The following DCDC2 variants were observed in gnomAD, a reference collection of about 807,000 sequenced individuals.
DCDC2 encodes the protein doublecortin domain-containing protein 2.
In DCDC2, 40 loss-of-function variants were observed where a neutral mutation model predicts 50.2. That is an observed-to-expected ratio of 0.80 (90% confidence interval 0.62 to 1.04). DCDC2 has a LOEUF of 1.04. Among genes scored for constraint, DCDC2 ranks in the 50% least tolerant of loss-of-function variants. The pLI is 0.00. For missense variants in DCDC2, 570 were observed against 581.9 expected (o/e 0.98, Z 0.21); for synonymous variants, 234 against 210.6 (o/e 1.11, Z -0.96).
At chr6:24,182,414 T>A (rs1226196958) in intron 8 of DCDC2, among the ~76,000 whole-genome samples, 2 of 152,042 alleles carry the variant, frequency 1.3e-5, no homozygotes, top group Non-Finnish European at 2.9e-5. Context: ...ATTTATCTGA[T>A]AAAGGCTTGA....
intron 7 of DCDC2, among the ~76,000 whole-genome samples, chr6:24,276,813 G>A (rs1039770103): frequency 6.6e-6 from 1 of 151,104 alleles, no homozygotes; most frequent in East Asian, 1.9e-4. Flanking sequence ...ACTTTAAAAA[G>A]AAATCTTCAT....
At chr6:24,305,731 T>A (rs1394743188) in intron 2 of DCDC2, among the ~76,000 whole-genome samples, 1 of 152,088 alleles carries the variant, frequency 6.6e-6, no homozygotes, top group Non-Finnish European at 1.5e-5. Flanking sequence ...ACTGTAAACA[T>A]AAATGCCACT....
chr6:24,213,242 G>A (rs1345501324), intron 7 of DCDC2, among the ~76,000 whole-genome samples: 1 of 152,112 alleles, frequency 6.6e-6, no homozygotes, highest in African/African-American at 2.4e-5. Context: ...ATAATGTCCA[G>A]TTCTAAATAC....
chr6:24,180,430 G>A (rs982401673), intron 8 of DCDC2, among the ~76,000 whole-genome samples: 5 of 151,744 alleles, frequency 3.3e-5, no homozygotes, highest in East Asian at 3.9e-4. Flanking sequence ...GACTACAGGC[G>A]CCCGCCACCA....
At chr6:24,321,726 T>C (rs1041961027) in intron 2 of DCDC2, among the ~76,000 whole-genome samples, 1 of 152,192 alleles carries the variant, frequency 6.6e-6, no homozygotes, top group Non-Finnish European at 1.5e-5. Flanking sequence ...CACTGGTATT[T>C]CCCAGTCTCT....
chr6:24,325,190 A>AT (rs1759836383), intron 2 of DCDC2, among the ~76,000 whole-genome samples: 1 of 131,294 alleles, frequency 7.6e-6, no homozygotes, highest in South Asian at 3.0e-4. Flanking sequence ...AGAGAGCACG[A>AT]TATCTACTTC....
At chr6:24,243,485 C>A (rs1280206933) in intron 7 of DCDC2, among the ~76,000 whole-genome samples, 2 of 152,156 alleles carry the variant, frequency 1.3e-5, no homozygotes, top group Non-Finnish European at 2.9e-5. Context: ...CATTAGGACT[C>A]AATGATTTAA....
At chr6:24,196,341 C>T (rs1761439285) in intron 8 of DCDC2, among the ~76,000 whole-genome samples, 1 of 152,070 alleles carries the variant, frequency 6.6e-6, no homozygotes, top group Admixed American at 6.6e-5. Flanking sequence ...CAAATAATTT[C>T]ACCTCATGAG....
At chr6:24,358,147 CA>C, upstream of DCDC2, 1 of 491,488 alleles carries the variant, frequency 2.0e-6, no homozygotes, top group Non-Finnish European at 3.7e-6. Context: ...CACACACACA[CA>C]AATATGGTGA....
chr6:24,274,065 A>T (rs1373191272), intron 7 of DCDC2, among the ~76,000 whole-genome samples: 1 of 152,362 alleles, frequency 6.6e-6, no homozygotes, highest in Admixed American at 6.5e-5. Flanking sequence ...ATCCATCAAA[A>T]GAATACAACT....
intron 4 of DCDC2, among the ~76,000 whole-genome samples, chr6:24,291,528 C>G (rs1763750911): frequency 7.8e-6 from 1 of 128,650 alleles, no homozygotes; most frequent in South Asian, 2.4e-4. Context: ...CTCTGTCGCC[C>G]AGGCTGGAGT....
At chr6:24,240,599 A>T (rs986681666) in intron 7 of DCDC2, among the ~76,000 whole-genome samples, 34 of 152,332 alleles carry the variant, frequency 2.2e-4, no homozygotes, top group South Asian at 8.3e-4. Flanking sequence ...AGAATACATG[A>T]TTTACAGACT....
chr6:24,231,424 G>A (rs1376314705), intron 7 of DCDC2, among the ~76,000 whole-genome samples: 1 of 152,164 alleles, frequency 6.6e-6, no homozygotes, highest in East Asian at 1.9e-4. Flanking sequence ...GCCAGAAGCT[G>A]ACTCTTTCTC....
At chr6:24,225,095 C>A (rs780173349) in intron 7 of DCDC2, among the ~76,000 whole-genome samples, 8 of 152,164 alleles carry the variant, frequency 5.3e-5, no homozygotes, top group Non-Finnish European at 1.2e-4. Flanking sequence ...AGTCTACTCC[C>A]AAGTCCCCTC....
chr6:24,284,610 C>CA (rs200440372), intron 6 of DCDC2, among the ~76,000 whole-genome samples: 1,461 of 99,804 alleles, frequency 0.015, 6 homozygotes, highest in South Asian at 0.026. Context: ...GACTCTGTCT[C>CA]AAAAAAAAAA....
At chr6:24,181,515 A>C (rs1282413603) in intron 8 of DCDC2, among the ~76,000 whole-genome samples, 1 of 152,208 alleles carries the variant, frequency 6.6e-6, no homozygotes, top group Non-Finnish European at 1.5e-5. Context: ...CACACATGAA[A>C]ATGAGTTGCA....
At chr6:24,229,318 T>C (rs1762292547) in intron 7 of DCDC2, among the ~76,000 whole-genome samples, 1 of 152,306 alleles carries the variant, frequency 6.6e-6, no homozygotes, top group East Asian at 1.9e-4. Context: ...GAGCCGGCCA[T>C]GGCTCGTGGT....
intron 4 of DCDC2, among the ~76,000 whole-genome samples, chr6:24,295,938 C>T (rs1759223837): frequency 6.6e-6 from 1 of 152,150 alleles, no homozygotes; most frequent in Admixed American, 6.5e-5. Context: ...TGCTATCAAA[C>T]TACCATTAAC....
chr6:24,215,815 C>A (rs993776709), intron 7 of DCDC2, among the ~76,000 whole-genome samples: 1 of 152,212 alleles, frequency 6.6e-6, no homozygotes, highest in African/African-American at 2.4e-5. Context: ...GCTCTGCACA[C>A]CGCAGGTCCT....
Sources: allele counts gnomAD v4.1 joint callset (sites outside exome capture counted in the v4.1 genomes callset), GRCh38; gene constraint gnomAD v4.1.1; transcripts MANE v1.5; gene names NCBI Gene and HGNC (gene_info 2026-07-23, HGNC 2026-07-21).